DIP2C: variants seen among roughly 807,000 people sequenced by gnomAD.
DIP2C encodes disco-interacting protein 2 homolog C.
DIP2C carries 33 observed loss-of-function variants against 192.4 expected under a neutral mutation model. The observed-to-expected ratio is 0.17, with a 90% CI of 0.13 to 0.23. DIP2C has a LOEUF of 0.23. DIP2C is among the 10% of genes least tolerant of loss of function. The pLI is 1.00. For synonymous variants in DIP2C, 979 were observed against 864.1 expected, an observed-to-expected ratio of 1.13 and a Z score of -2.33; for missense variants, 1,537 against 2,110.1, an observed-to-expected ratio of 0.73 and a Z score of 5.32.
intron 1 of DIP2C, among the ~76,000 whole-genome samples, chr10:487,758 T>G (rs770932027): frequency 1.3e-5 from 2 of 151,906 alleles, no homozygotes; most frequent in South Asian, 4.2e-4. Flanking sequence ...TTTGTATTTT[T>G]AGTAGAGACA....
chr10:682,953 C>T lies in DIP2C; in HGVS notation c.85+6541G>A, dbSNP rs78957420. ...TACCATCAGTCACAGCATCTCTCCA[C>T]GCCTCTCTACCCTGGACAGTGTTCC... On this transcript the variant is annotated intron_variant, in intron 1 of 36. Coordinates refer to ENST00000280886, the MANE Select transcript of DIP2C (RefSeq NM_014974.3). 7.2e-5 allele frequency among the ~76,000 whole-genome samples: 11 copies of T among 152,208 alleles called. No individual in the cohort carries two copies. In the East Asian group the frequency reaches 1.2e-3, roughly 16 times the overall value.
intron 1 of DIP2C, among the ~76,000 whole-genome samples, chr10:672,626 C>A (rs1210109616): frequency 6.6e-6 from 1 of 152,242 alleles, no homozygotes; most frequent in Non-Finnish European, 1.5e-5. Context: ...CTGGCGACCG[C>A]TTAGAAACCA....
At chr10:384,710 C>CAT (rs1962722877) in intron 14 of DIP2C, 71 bp from the exon 15 acceptor site, 2 of 1,506,590 alleles carry the variant, frequency 1.3e-6, no homozygotes, top group Admixed American at 3.4e-5. Context: ...CACCCAGTGG[C>CAT]ATGGACACTA....
At chr10:282,098 G>C (rs539727805) in intron 35 of DIP2C, 1 of 159,226 alleles carries the variant, frequency 6.3e-6, no homozygotes, top group African/African-American at 2.4e-5. Context: ...ACGAGATTGG[G>C]CGCGTTCAGG....
intron 3 of DIP2C, among the ~76,000 whole-genome samples, chr10:450,294 G>T (rs1334881311): frequency 6.6e-6 from 1 of 151,982 alleles, no homozygotes; most frequent in African/African-American, 2.4e-5. Context: ...TTCTTGTGAT[G>T]TGGACCCGAC....
chr10:365,769 ACTTG>A (rs1960112889), intron 19 of DIP2C, among the ~76,000 whole-genome samples: 1 of 152,198 alleles, frequency 6.6e-6, no homozygotes, highest in Non-Finnish European at 1.5e-5. Context: ...CCACATGCAT[ACTTG>A]CTTGTGCCAC....
At chr10:420,423 G>A (rs2133151267) in intron 5 of DIP2C, among the ~76,000 whole-genome samples, 1 of 152,306 alleles carries the variant, frequency 6.6e-6, no homozygotes, top group East Asian at 1.9e-4. Context: ...AAGAACTAAG[G>A]GGAGGGCCCG....
chr10:567,198 GT>G (rs34057667), intron 1 of DIP2C, among the ~76,000 whole-genome samples: 2,283 of 151,148 alleles, frequency 0.015, 62 homozygotes, highest in African/African-American at 0.053. Flanking sequence ...GTTTTGTTTT[GT>G]TTTTTTTAAG....
intron 24 of DIP2C, among the ~76,000 whole-genome samples, chr10:350,631 AATTT>A (rs1187724678): frequency 9.3e-5 from 10 of 107,518 alleles, no homozygotes; most frequent in African/African-American, 3.6e-4. Context: ...CGGGCTCAGG[AATTT>A]TTTTTTTTTT....
chr10:460,097 C>T (rs778901814), intron 3 of DIP2C, among the ~76,000 whole-genome samples: 10 of 151,914 alleles, frequency 6.6e-5, no homozygotes, highest in Non-Finnish European at 1.0e-4. Flanking sequence ...GCGTGCTGCA[C>T]GTGGGCTCTA....
Position 384,078 on chromosome 10 carries a change from T to C in DIP2C, c.1825A>G (p.Ile609Val). Residue 609 changes from isoleucine (I) to valine (V), a missense_variant, in exon 16 of 37, where the codon ATC (isoleucine) becomes GTC (valine). By Grantham distance (29) the Ile-to-Val change is conservative. Coordinates refer to ENST00000280886, the MANE Select transcript of DIP2C (RefSeq NM_014974.3). The stretch of plus-strand genomic sequence containing the variant: ...AGCATTCGCAGAGAGGAGAGGTTGA[T>C]GTCTCTCTGATCTCTGTGTGCTACT... Reference protein sequence around the residue: ...ALVAHRDQRDINLSSLRMLIV... With the variant: ...ALVAHRDQRDVNLSSLRMLIV... The C allele has an allele frequency of 6.2e-7, 1 of 1,612,214 alleles. No individual in the cohort carries two copies. The highest frequency in any genetic ancestry group is 1.3e-5 in the African/African-American group (1 of 74,802).
At chr10:677,336 T>G (rs1307682479) in intron 1 of DIP2C, among the ~76,000 whole-genome samples, 1 of 152,214 alleles carries the variant, frequency 6.6e-6, no homozygotes, top group East Asian at 1.9e-4. Context: ...GAAGCCTTTA[T>G]TTCTCTGGTT....
chr10:585,192 C>G (rs1044193040), intron 1 of DIP2C, among the ~76,000 whole-genome samples: 3 of 152,238 alleles, frequency 2.0e-5, no homozygotes, highest in Non-Finnish European at 4.4e-5. Flanking sequence ...AGAACACCGA[C>G]GTTTGTGTAG....
At chr10:517,706 A>G (rs1313439517) in intron 1 of DIP2C, among the ~76,000 whole-genome samples, 1 of 152,218 alleles carries the variant, frequency 6.6e-6, no homozygotes, top group Non-Finnish European at 1.5e-5. Flanking sequence ...CACCAGCAGA[A>G]AGATGGTCCC....
chr10:345,122 G>C lies in DIP2C; in HGVS notation c.3232-12C>G. On this transcript the variant is annotated splice_polypyrimidine_tract_variant and intron_variant, in intron 26 of 36. Transcript: ENST00000280886. ...GCAGAGCGACTCACCTGGCATCAGA[G>C]AGCGAGAATGGAGCCATGAACGTGG... 1 of 1,606,710 alleles carries C rather than the reference G, an allele frequency of 6.2e-7. No homozygotes were observed. Among genetic ancestry groups the C allele is most frequent in the Admixed American group, 1.7e-5 (1 of 59,582 alleles).
intron 28 of DIP2C, among the ~76,000 whole-genome samples, chr10:344,175 C>T (rs1195986445): frequency 6.6e-6 from 1 of 152,204 alleles, no homozygotes; most frequent in South Asian, 2.1e-4. Flanking sequence ...CTTCAGACCA[C>T]AGTAAGTAAA....
intron 1 of DIP2C, among the ~76,000 whole-genome samples, chr10:576,950 C>T (rs144839638): frequency 1.6e-3 from 246 of 152,142 alleles, no homozygotes; most frequent in African/African-American, 5.7e-3. Flanking sequence ...AAGATGAAAA[C>T]TAATTGCCAA....
chr10:591,535 C>T (rs1403540952), intron 1 of DIP2C, among the ~76,000 whole-genome samples: 3 of 152,276 alleles, frequency 2.0e-5, no homozygotes, highest in African/African-American at 7.2e-5. Context: ...ATTTGAAGTA[C>T]AAATAAAACA....
intron 1 of DIP2C, among the ~76,000 whole-genome samples, chr10:671,523 G>A (rs1213376876): frequency 1.8e-5 from 2 of 110,730 alleles, no homozygotes; most frequent in African/African-American, 7.3e-5. Flanking sequence ...ACAGACGCAC[G>A]GACGGAGGAA....
Sources: allele counts gnomAD v4.1 joint callset (sites outside exome capture counted in the v4.1 genomes callset), GRCh38; gene constraint gnomAD v4.1.1; transcripts MANE v1.5; gene names NCBI Gene and HGNC (gene_info 2026-07-23, HGNC 2026-07-21).